Variants in TSC22D1 observed in about 807,000 individuals in gnomAD.
TSC22D1 encodes the protein TSC22 domain family protein 1.
TSC22D1 carries 9 observed loss-of-function variants against 74.2 expected under a neutral mutation model. The ratio of observed to expected loss-of-function variants is 0.12; its 90% CI spans 0.07 to 0.21. The LOEUF (loss-of-function observed/expected upper bound fraction) is 0.21, where lower values mean the gene tolerates loss of function less well. TSC22D1 is among the 10% of genes least tolerant of loss of function. TSC22D1 has a pLI of 1.00. For synonymous variants in TSC22D1, 586 were observed against 492.5 expected, an observed-to-expected ratio of 1.19 and a Z score of -2.51; for missense variants, 1,427 against 1,304.7, an observed-to-expected ratio of 1.09 and a Z score of -1.44.
chr13:44,436,475 T>C (rs1595074555), intron 1 of TSC22D1: 2 of 1,608,962 alleles, frequency 1.2e-6, no homozygotes, highest in Non-Finnish European at 8.5e-7. Flanking sequence ...ACGAATAAAT[T>C]TAAAGAAACT....
Position 44,574,228 on chromosome 13 carries a change from GT to G in TSC22D1, c.1846del (p.Thr616LeufsTer33). The G allele has an allele frequency of 6.2e-7, 1 of 1,614,242 alleles. No homozygotes were observed. The highest frequency in any genetic ancestry group is 8.5e-7 in the Non-Finnish European group (1 of 1,180,044). Reference sequence around the variant, plus strand: ...GGGTGGTGGTGCCCCTGGAAGGGGAGTTTGCACTGGAGGAGCCGCCTGAGAA... The same window carrying G: ...GGGTGGTGGTGCCCCTGGAAGGGGAGTTGCACTGGAGGAGCCGCCTGAGAA... ...PYSQAAPPVQTPLPGAPPPQQ... is the reference protein window; with the variant it reads ...PYSQAAPPVQXPLPGAPPPQQ... On this transcript the variant is annotated frameshift_variant, in exon 1 of 3. Transcript: ENST00000458659. LOFTEE classifies it high-confidence loss of function.
chr13:44,451,527 A>C (rs1876132365), intron 1 of TSC22D1: 1 of 152,238 alleles, frequency 6.6e-6, no homozygotes, highest in African/African-American at 2.4e-5. Context: ...TAAATGACCA[A>C]AATTAACTGG....
At chr13:44,456,187 G>A (rs939401462) in intron 1 of TSC22D1, among the ~76,000 whole-genome samples, 3 of 152,190 alleles carry the variant, frequency 2.0e-5, no homozygotes, top group Non-Finnish European at 4.4e-5. Flanking sequence ...CAAAAAGTGA[G>A]CAGCAGCAAG....
intron 1 of TSC22D1, among the ~76,000 whole-genome samples, chr13:44,533,559 G>A (rs1284918415): frequency 6.6e-6 from 1 of 151,908 alleles, no homozygotes; most frequent in African/African-American, 2.4e-5. Context: ...TGAGGCGGGT[G>A]GATCACCTGA....
intron 1 of TSC22D1, among the ~76,000 whole-genome samples, chr13:44,556,438 A>G (rs1027682022): frequency 6.6e-6 from 1 of 151,722 alleles, no homozygotes; most frequent in South Asian, 2.1e-4. Flanking sequence ...TCCAGCTACT[A>G]GGGAGGCTGA....
intron 1 of TSC22D1, chr13:44,516,271 T>G: frequency 2.4e-6 from 1 of 415,810 alleles, no homozygotes; most frequent in Non-Finnish European, 4.6e-6. Context: ...AAATTGACGC[T>G]GAATGGTGAG....
intron 1 of TSC22D1, among the ~76,000 whole-genome samples, chr13:44,465,465 A>G (rs553471681): frequency 6.6e-6 from 1 of 152,336 alleles, no homozygotes; most frequent in Non-Finnish European, 1.5e-5. Flanking sequence ...GCTTTTAAAA[A>G]ATACAGATGT....
chr13:44,535,642 A>AAAC (rs979917235), intron 1 of TSC22D1, among the ~76,000 whole-genome samples: 3 of 150,502 alleles, frequency 2.0e-5, no homozygotes, highest in African/African-American at 7.4e-5. Flanking sequence ...ACAAACAAAC[A>AAAC]AAAAAAACCA....
At chr13:44,563,145 A>G (rs577470212) in intron 1 of TSC22D1, among the ~76,000 whole-genome samples, 1 of 152,222 alleles carries the variant, frequency 6.6e-6, no homozygotes, top group South Asian at 2.1e-4. Flanking sequence ...CCCTGTCTTA[A>G]GGTTATAACT....
chr13:44,458,351 G>C (rs904085295), intron 1 of TSC22D1, among the ~76,000 whole-genome samples: 9 of 152,242 alleles, frequency 5.9e-5, no homozygotes, highest in African/African-American at 1.9e-4. Context: ...ACTGGAGTTA[G>C]AGCCTAATTC....
intron 1 of TSC22D1, among the ~76,000 whole-genome samples, chr13:44,522,869 T>TA (rs1338477705): frequency 6.6e-6 from 1 of 151,306 alleles, no homozygotes; most frequent in Non-Finnish European, 1.5e-5. Flanking sequence ...AAACACTGTT[T>TA]AAAAAAAATG....
chr13:44,565,549 T>C (rs1883317241), intron 1 of TSC22D1, among the ~76,000 whole-genome samples: 2 of 152,162 alleles, frequency 1.3e-5, no homozygotes, highest in Non-Finnish European at 2.9e-5. Context: ...AAAGATACTT[T>C]AAAATTTTTC....
At position 44,432,163 on chromosome 13, in the gene TSC22D1, T is replaced by C. The variant is rs1874098949; in HGVS notation, c.*2463A>G. ...ACATGTATGGAAAGACATCTTTTAA[T>C]AATTCATTCTTATTTCACAAATATT... On this transcript the variant is annotated 3_prime_UTR_variant, in exon 3 of 3. Transcript: ENST00000458659. The C allele has an allele frequency of 6.6e-6, 1 of 152,250 alleles. No individual in the cohort carries two copies. The highest frequency in any genetic ancestry group is 1.5e-5 in the Non-Finnish European group (1 of 68,044). 9.4% of individuals were successfully genotyped at this position (152,250 alleles called of 1,614,324 possible). A position where few individuals can be genotyped will look rare whatever the true frequency, so the allele number is the denominator to read the frequency against.
At chr13:44,446,381 T>C (rs1875644246) in intron 1 of TSC22D1, among the ~76,000 whole-genome samples, 1 of 152,134 alleles carries the variant, frequency 6.6e-6, no homozygotes, top group African/African-American at 2.4e-5. Flanking sequence ...GAGATTGTTA[T>C]GGGTGATGGA....
rs1300240906 is a variant in TSC22D1 at position 44,573,312 on chromosome 13, TAAG to T, written c.2760_2762del (p.Leu921del). 1.2e-6 allele frequency: 2 copies of T among 1,614,240 alleles called. No homozygotes were observed. Among genetic ancestry groups the T allele is most frequent in the South Asian group, 1.1e-5 (1 of 91,090 alleles). On this transcript the variant is annotated inframe_deletion, in exon 1 of 3. Coordinates refer to ENST00000458659, the MANE Select transcript of TSC22D1 (RefSeq NM_183422.4). Reference sequence around the variant, plus strand: ...CACTGATAGTCTGAGGTAAGCCAACTAAGGAGGGCTCCGCTGCACGCCTGGCAT... The same window carrying T: ...CACTGATAGTCTGAGGTAAGCCAACTGAGGGCTCCGCTGCACGCCTGGCAT...
rs1884218371 is a variant in TSC22D1 at position 44,576,048 on chromosome 13, G to A, written c.27C>T (p.Ala9=). Residue 9 remains alanine (A), a synonymous_variant, in exon 1 of 3, where the codon GCC becomes GCT. Coordinates refer to ENST00000458659, the MANE Select transcript of TSC22D1 (RefSeq NM_183422.4). ...TAATGTCTGCAGCGGCGGCGGCCGC[G>A]GCGGTGGACTCAGGCGGCTGGTGCA... The part of the protein sequence containing the change: MHQPPEST[A]AAAAAADISA... The A allele has an allele frequency of 1.3e-6, 2 of 1,569,220 alleles. No homozygotes were observed. The highest frequency in any genetic ancestry group is 1.4e-5 in the African/African-American group (1 of 73,954).
At chr13:44,484,589 G>T (rs1045238388) in intron 1 of TSC22D1, among the ~76,000 whole-genome samples, 1 of 152,216 alleles carries the variant, frequency 6.6e-6, no homozygotes, top group African/African-American at 2.4e-5. Context: ...GGCAGGAAAT[G>T]ATGGAAATTG....
chr13:44,560,811 A>C (rs1295906601), intron 1 of TSC22D1, among the ~76,000 whole-genome samples: 1 of 152,190 alleles, frequency 6.6e-6, no homozygotes, highest in Non-Finnish European at 1.5e-5. Flanking sequence ...AACATAATCT[A>C]ACTTTCAACT....
chr13:44,463,213 C>A (rs9533865), intron 1 of TSC22D1, among the ~76,000 whole-genome samples: 15,069 of 152,050 alleles, frequency 0.099, 776 homozygotes, highest in Non-Finnish European at 0.11. Flanking sequence ...GCATAGAGAA[C>A]AAAAGTAATA....
Sources: gnomAD v4.1 joint callset for allele counts (sites outside exome capture counted in the v4.1 genomes callset) on GRCh38, gnomAD v4.1.1 for gene constraint, MANE v1.5 for transcripts, NCBI Gene and HGNC (gene_info 2026-07-23, HGNC 2026-07-21) for gene names.